The following PSMD11 variants were observed in gnomAD, a reference collection of about 807,000 sequenced individuals.
PSMD11 encodes the protein 26S proteasome non-ATPase regulatory subunit 11.
In PSMD11, 5 loss-of-function variants were observed where a neutral mutation model predicts 62.3. The observed-to-expected ratio is 0.08, with a 90% CI of 0.04 to 0.17. PSMD11 has a LOEUF of 0.17. Among genes scored for constraint, PSMD11 ranks in the 10% least tolerant of loss-of-function variants. The pLI is 1.00. For missense variants in PSMD11, 310 were observed against 512.9 expected, an observed-to-expected ratio of 0.60 and a Z score of 3.82; for synonymous variants, 191 against 191.8, an observed-to-expected ratio of 1.00 and a Z score of 0.03.
At chr17:32,451,464 G>C (rs1907497057) in intron 2 of PSMD11, among the ~76,000 whole-genome samples, 1 of 152,184 alleles carries the variant, frequency 6.6e-6, no homozygotes, top group East Asian at 1.9e-4. Flanking sequence ...TAACTATAGA[G>C]CCATATATTA....
chr17:32,457,188 A>G (rs1221450217), intron 3 of PSMD11, among the ~76,000 whole-genome samples: 3 of 152,210 alleles, frequency 2.0e-5, no homozygotes, highest in African/African-American at 7.2e-5. Context: ...AAACACTTTT[A>G]GGCATTGTAT....
intron 1 of PSMD11, chr17:32,445,848 A>G (rs559512870): frequency 6.6e-6 from 1 of 152,358 alleles, no homozygotes; most frequent in South Asian, 2.1e-4. Flanking sequence ...GTCAAGGTGT[A>G]TCTTTGAATG....
At position 32,460,189 on chromosome 17, in the gene PSMD11, G is replaced by T. The variant is rs533477668; in HGVS notation, c.319-3860G>T. On this transcript the variant is annotated intron_variant, in intron 3 of 13. Coordinates refer to ENST00000261712, the MANE Select transcript of PSMD11 (RefSeq NM_002815.4). ...TTCTCCTGCCTCAGCCTCCCAAGTT[G>T]CTGGGACTGCAGATGTGCACCACTA... is the stretch of plus-strand genomic sequence containing the variant. Among the ~76,000 whole-genome samples the T allele has an allele frequency of 3.9e-5, 6 of 152,114 alleles. No individual in the cohort carries two copies. The South Asian group carries it at 1.2e-3, about 32-fold the overall frequency.
chr17:32,460,755 CAAA>C (rs397939444), intron 3 of PSMD11, among the ~76,000 whole-genome samples: 3 of 124,110 alleles, frequency 2.4e-5, no homozygotes, highest in Admixed American at 1.7e-4. Flanking sequence ...GACACTGTCT[CAAA>C]AAAAAAAAAA....
intron 1 of PSMD11, 124 bp downstream of exon 1, chr17:32,444,738 C>A: frequency 8.0e-7 from 1 of 1,251,792 alleles, no homozygotes; most frequent in Non-Finnish European, 1.1e-6. Context: ...TGAGGGGGGC[C>A]GGGCCGGGGG....
chr17:32,461,624 T>C (rs535601088), intron 3 of PSMD11, among the ~76,000 whole-genome samples: 2 of 147,926 alleles, frequency 1.4e-5, no homozygotes, highest in African/African-American at 2.5e-5. Context: ...AAAAAAGATA[T>C]CCAGTTCGTG....
At chr17:32,468,038 G>A (rs1176113074) in intron 5 of PSMD11, among the ~76,000 whole-genome samples, 1 of 152,106 alleles carries the variant, frequency 6.6e-6, no homozygotes, top group Non-Finnish European at 1.5e-5. Flanking sequence ...ACTTACAAGT[G>A]AGAACATGTG....
In PSMD11 at chr17:32,469,213, C is replaced by G; in HGVS notation, c.643+20C>G. On this transcript the variant is annotated intron_variant, in intron 6 of 13. Coordinates refer to ENST00000261712, the MANE Select transcript of PSMD11 (RefSeq NM_002815.4). ...AGTCGGGTAACAGACGTAGCTATTC[C>G]TGGGATGTGTTTTCTTAAAGCTCAT... 1 of 1,602,266 alleles carries G rather than the reference C, an allele frequency of 6.2e-7. No individual in the cohort carries two copies. The highest frequency in any genetic ancestry group is 8.5e-7 in the Non-Finnish European group (1 of 1,171,770).
intron 9 of PSMD11, 26 bp from the exon 10 acceptor site, chr17:32,479,225 A>G (rs373727439): frequency 6.4e-5 from 103 of 1,612,230 alleles, no homozygotes; most frequent in Admixed American, 2.3e-4. Flanking sequence ...CTCTGTGCCA[A>G]TCTCTGCAAC....
rs796674284 is a variant in PSMD11 at position 32,466,551 on chromosome 17, T to C, written c.448+1973T>C. ...GTCAATTGTAAGGATATATCACATG[T>C]GTTTATCCATTCATCAGTTGATGGA... On this transcript the variant is annotated intron_variant, in intron 5 of 13. Transcript: ENST00000261712. 5.3e-5 allele frequency among the ~76,000 whole-genome samples: 8 copies of C among 152,378 alleles called. 1 individual carries two copies. The highest frequency in any genetic ancestry group is 1.9e-4 in the African/African-American group (8 of 41,592).
chr17:32,460,759 A>C (rs1460339067), intron 3 of PSMD11, among the ~76,000 whole-genome samples: 1 of 151,512 alleles, frequency 6.6e-6, no homozygotes, highest in African/African-American at 2.4e-5. Flanking sequence ...CTGTCTCAAA[A>C]AAAAAAAAAA....
chr17:32,464,485 C>T (rs2302276), intron 4 of PSMD11, 36 bp from the exon 5 acceptor site: 877,484 of 1,465,006 alleles, frequency 0.6, 270,588 homozygotes, highest in African/African-American at 0.83. Flanking sequence ...GTGGCTTTTT[C>T]CCCCCCCTTC....
In PSMD11 at chr17:32,479,843, C is replaced by G; in HGVS notation, c.1039-8C>G. ...TCAGTGTTGGTGTCTCTCTGCCTTT[C>G]CTTTTAGATTGAACACATATCTAGT... On this transcript the variant is annotated splice_polypyrimidine_tract_variant and splice_region_variant and intron_variant, in intron 10 of 13. Transcript: ENST00000261712. 6.2e-7 allele frequency: 1 copy of G among 1,613,274 alleles called. No individual in the cohort carries two copies. Among genetic ancestry groups the G allele is most frequent in the Non-Finnish European group, 8.5e-7 (1 of 1,179,270 alleles).
chr17:32,473,282 C>CT lies in PSMD11; in HGVS notation c.644-508dup, dbSNP rs995068972. 7.5e-3 allele frequency among the ~76,000 whole-genome samples: 1,061 copies of CT among 142,372 alleles called. 7 individuals are homozygous for CT. The highest frequency in any genetic ancestry group is 0.013 in the Non-Finnish European group (833 of 64,998). 93.4% of individuals were successfully genotyped at this position (142,372 alleles called of 152,430 possible). On this transcript the variant is annotated intron_variant, in intron 6 of 13. Transcript: ENST00000261712. The stretch of plus-strand genomic sequence containing the variant: ...TACAGGAGTGAACCCCTGCACCTGG[C>CT]TTTTTTTTTTTGAGACGGAAGTTTG...
Position 32,480,537 on chromosome 17 carries a change from C to T in PSMD11, c.1175C>T (p.Pro392Leu), listed in dbSNP as rs1908457742. Reference sequence around the variant, plus strand: ...GTCCTGATTATTTTCGATGAACCCCCAGTAGATAAAACTTACGAAGCTGCT... The same window carrying T: ...GTCCTGATTATTTTCGATGAACCCCTAGTAGATAAAACTTACGAAGCTGCT... The part of the protein sequence containing the change: ...EGVLIIFDEP[P>L]VDKTYEAALE... The change falls in exon 13 of 14, where the codon CCA (proline) becomes CTA (leucine). Residue 392 changes from proline (P) to leucine (L), a missense_variant. Pro to Leu is a moderately conservative substitution (Grantham distance 98). This residue lies in a region of PSMD11 where 135 missense variants were observed against 195.4 expected (regional missense o/e 0.69). Transcript: ENST00000261712. 6.2e-7 allele frequency: 1 copy of T among 1,614,074 alleles called. No individual in the cohort carries two copies. The highest frequency in any genetic ancestry group is 1.6e-4 in the Middle Eastern group (1 of 6,062).
chr17:32,473,783 T>G lies in PSMD11; in HGVS notation c.644-18T>G. 3 of 1,612,336 alleles carry G rather than the reference T, an allele frequency of 1.9e-6. No homozygotes were observed. The highest frequency in any genetic ancestry group is 2.5e-6 in the Non-Finnish European group (3 of 1,178,520). On this transcript the variant is annotated intron_variant, in intron 6 of 13. Coordinates refer to ENST00000261712, the MANE Select transcript of PSMD11 (RefSeq NM_002815.4). ...CTATTATTTTATATGTTCTTATTCC[T>G]TTCTTTTCAATGCCCAGGTATTATC...
intron 1 of PSMD11, chr17:32,445,705 G>C (rs531138226): frequency 6.6e-6 from 1 of 152,374 alleles, no homozygotes; most frequent in East Asian, 1.9e-4. Context: ...GCACCTGTAT[G>C]TGGGACTTGC....
intron 3 of PSMD11, among the ~76,000 whole-genome samples, chr17:32,459,139 TG>T (rs1413813997): frequency 1.4e-5 from 2 of 142,866 alleles, no homozygotes; most frequent in African/African-American, 5.1e-5. Context: ...TATATATATA[TG>T]TATTTTTTTT....
chr17:32,479,946 C>G, intron 11 of PSMD11, 60 bp downstream of exon 11: 1 of 1,566,778 alleles, frequency 6.4e-7, no homozygotes. Context: ...GGAGGGGTGG[C>G]ACATGCACCT....
Sources: gnomAD v4.1 joint callset for allele counts (sites outside exome capture counted in the v4.1 genomes callset) on GRCh38, gnomAD v4.1.1 for gene constraint, gnomAD v4.1.1 regional missense constraint, MANE v1.5 for transcripts, NCBI Gene and HGNC (gene_info 2026-07-23, HGNC 2026-07-21) for gene names.